FBXO11: variants seen among roughly 807,000 people sequenced by gnomAD.
FBXO11 encodes F-box only protein 11.
Under a neutral mutation model 117.0 loss-of-function variants are expected in FBXO11, and 13 were observed. The ratio of observed to expected loss-of-function variants is 0.11; its 90% CI spans 0.07 to 0.18. The LOEUF (loss-of-function observed/expected upper bound fraction) is 0.18. Ranked by LOEUF, FBXO11 falls within the 10% of genes least tolerant of loss-of-function variation. The pLI, the probability that FBXO11 is intolerant of heterozygous loss-of-function variation, is 1.00. For missense variants in FBXO11, 767 were observed against 1,164.4 expected, an observed-to-expected ratio of 0.66 and a Z score of 4.97; for synonymous variants, 490 against 380.5, an observed-to-expected ratio of 1.29 and a Z score of -3.35.
intron 20 of FBXO11, 158 bp downstream of exon 20, chr2:47,809,442 C>T: frequency 1.4e-6 from 1 of 691,758 alleles, no homozygotes; most frequent in Non-Finnish European, 2.4e-6. Flanking sequence ...GTATAAGATA[C>T]TCCAACCATT....
At chr2:47,873,981 G>A (rs1675810194) in intron 1 of FBXO11, among the ~76,000 whole-genome samples, 1 of 152,068 alleles carries the variant, frequency 6.6e-6, no homozygotes, top group African/African-American at 2.4e-5. Flanking sequence ...TTGGGAGGCC[G>A]AGGTGGGTGG....
intron 1 of FBXO11, among the ~76,000 whole-genome samples, chr2:47,871,724 C>T (rs1270575167): frequency 6.6e-6 from 1 of 152,002 alleles, no homozygotes; most frequent in East Asian, 1.9e-4. Flanking sequence ...ATGTTAAATC[C>T]CTTGTTAGAT....
chr2:47,905,707 C>T lies in FBXO11; in HGVS notation c.14G>A (p.Arg5Gln). The T allele has an allele frequency of 4.6e-6, 7 of 1,519,826 alleles. No individual in the cohort carries two copies. Among genetic ancestry groups the T allele is most frequent in the Non-Finnish European group, 6.2e-6 (7 of 1,135,816 alleles). 94.1% of individuals were successfully genotyped at this position (1,519,826 alleles called of 1,614,324 possible). MNSV[R>Q]AANRRPRRVS... ...TCGCCTGGGTCTCCGGTTGGCGGCT[C>T]GGACGGAGTTCATTTGCCGGGCTGA... The change falls in exon 1 of 23, where the codon CGA becomes CAA. Residue 5 changes from arginine (R) to glutamine (Q), a missense_variant. Transcript: ENST00000403359.
intron 18 of FBXO11, among the ~76,000 whole-genome samples, chr2:47,811,821 TG>T (rs1187639921): frequency 6.6e-6 from 1 of 152,142 alleles, no homozygotes; most frequent in Non-Finnish European, 1.5e-5. Context: ...TTGCCTAGGC[TG>T]GTTTCCAACT....
chr2:47,840,012 C>G (rs1050594001), intron 1 of FBXO11, among the ~76,000 whole-genome samples: 1 of 151,610 alleles, frequency 6.6e-6, no homozygotes, highest in African/African-American at 2.4e-5. Context: ...GGCGCAATCT[C>G]GGCTCACTGC....
At chr2:47,849,924 A>C (rs1673728946) in intron 1 of FBXO11, among the ~76,000 whole-genome samples, 1 of 152,212 alleles carries the variant, frequency 6.6e-6, no homozygotes, top group Non-Finnish European at 1.5e-5. Context: ...TAAAAACAAA[A>C]TATGGTCACT....
At chr2:47,871,345 G>A (rs1485387975) in intron 1 of FBXO11, among the ~76,000 whole-genome samples, 2 of 152,170 alleles carry the variant, frequency 1.3e-5, no homozygotes, top group African/African-American at 4.8e-5. Flanking sequence ...ACGTGAATGA[G>A]ACATCCTGAA....
In FBXO11 at chr2:47,839,762, A is replaced by C. The variant is rs1371787945; in HGVS notation, c.240T>G (p.Asp80Glu). Residue 80 changes from aspartate (D) to glutamate (E), a missense_variant, in exon 2 of 23, where the codon GAT (aspartate) becomes GAG (glutamate). Asp to Glu is a conservative substitution (Grantham distance 45, BLOSUM62 2). Transcript: ENST00000403359. Reference sequence around the variant, plus strand: ...CTTCTGCAACCATATCTGCAGGCACATCATCATCTGTTATAAACAAAAGCA... The same window carrying C: ...CTTCTGCAACCATATCTGCAGGCACCTCATCATCTGTTATAAACAAAAGCA... Reference protein sequence around the residue: ...ERNNVGERDDDVPADMVAEES... With the variant: ...ERNNVGERDDEVPADMVAEES... 1 of 1,612,782 alleles carries C rather than the reference A, an allele frequency of 6.2e-7. No homozygotes were observed. Among genetic ancestry groups the C allele is most frequent in the Admixed American group, 1.7e-5 (1 of 59,694 alleles).
At chr2:47,890,333 A>G (rs1015688969) in intron 1 of FBXO11, among the ~76,000 whole-genome samples, 7 of 152,164 alleles carry the variant, frequency 4.6e-5, no homozygotes, top group African/African-American at 1.7e-4. Flanking sequence ...AATATAGTCA[A>G]TTATCATCCT....
intron 1 of FBXO11, among the ~76,000 whole-genome samples, chr2:47,857,414 C>A (rs1325511657): frequency 6.6e-6 from 1 of 152,034 alleles, no homozygotes; most frequent in Non-Finnish European, 1.5e-5. Flanking sequence ...AGCCACCACA[C>A]CTGGCCAGAA....
At chr2:47,903,930 C>T (rs1678525544) in intron 1 of FBXO11, among the ~76,000 whole-genome samples, 1 of 152,156 alleles carries the variant, frequency 6.6e-6, no homozygotes, top group South Asian at 2.1e-4. Flanking sequence ...GTAAATGTAT[C>T]AAAGAAATAA....
At chr2:47,849,698 G>C (rs1673705450) in intron 1 of FBXO11, among the ~76,000 whole-genome samples, 1 of 152,188 alleles carries the variant, frequency 6.6e-6, no homozygotes, top group South Asian at 2.1e-4. Flanking sequence ...GTGGGTATTG[G>C]TGTAAGATTT....
intron 12 of FBXO11, 35 bp from the exon 13 acceptor site, chr2:47,822,338 CT>C: frequency 2.2e-6 from 3 of 1,370,448 alleles, no homozygotes; most frequent in Non-Finnish European, 3.1e-6. Flanking sequence ...AAGAAGACAT[CT>C]ATTCAGCCAA....
chr2:47,808,047 A>G lies in FBXO11; in HGVS notation c.*71T>C. 7.3e-7 allele frequency: 1 copy of G among 1,374,122 alleles called. No homozygotes were observed. The highest frequency in any genetic ancestry group is 1.0e-6 in the Non-Finnish European group (1 of 994,498). The allele number at this position is 1,374,122 out of a possible 1,614,324, so 85.1% of individuals were successfully genotyped here. On this transcript the variant is annotated 3_prime_UTR_variant, in exon 23 of 23. Transcript: ENST00000403359. ...TTCCTGTAGCATGGGCAAATATTTT[A>G]AATCTTCTTCCAAAAAAGTGTTTTA...
chr2:47,853,382 AAATAAT>A (rs1674027398), intron 1 of FBXO11, among the ~76,000 whole-genome samples: 2 of 152,250 alleles, frequency 1.3e-5, no homozygotes, highest in South Asian at 2.1e-4. Context: ...GGAATTAAAA[AAATAAT>A]AATAATACTT....
chr2:47,904,051 T>C (rs1186992783), intron 1 of FBXO11, among the ~76,000 whole-genome samples: 1 of 152,220 alleles, frequency 6.6e-6, no homozygotes. Flanking sequence ...TAACAGTGAC[T>C]GGTGAAAGCC....
intron 11 of FBXO11, among the ~76,000 whole-genome samples, chr2:47,826,710 G>C (rs1442568875): frequency 1.3e-5 from 2 of 151,976 alleles, no homozygotes; most frequent in Non-Finnish European, 2.9e-5. Flanking sequence ...CCTTTGCTTA[G>C]CTTTCTAGTG....
chr2:47,883,147 A>G (rs1676560979), intron 1 of FBXO11, among the ~76,000 whole-genome samples: 1 of 152,204 alleles, frequency 6.6e-6, no homozygotes, highest in African/African-American at 2.4e-5. Flanking sequence ...CTGTAGCAAC[A>G]CTTCACTAAT....
intron 1 of FBXO11, among the ~76,000 whole-genome samples, chr2:47,870,905 T>C (rs1287990801): frequency 2.0e-5 from 3 of 152,194 alleles, no homozygotes; most frequent in African/African-American, 7.2e-5. Flanking sequence ...TACTCTGAGA[T>C]GTCTAAAAAT....
Sources: gnomAD v4.1 joint callset for allele counts (sites outside exome capture counted in the v4.1 genomes callset) on GRCh38, gnomAD v4.1.1 for gene constraint, MANE v1.5 for transcripts, NCBI Gene and HGNC (gene_info 2026-07-23, HGNC 2026-07-21) for gene names.